SASS6: variants seen among roughly 807,000 people sequenced by gnomAD.
SASS6 encodes SAS-6 centriolar assembly protein.
SASS6 carries 59 observed loss-of-function variants against 94.9 expected under a neutral mutation model. The ratio of observed to expected loss-of-function variants is 0.62; its 90% confidence interval spans 0.50 to 0.77. The LOEUF (loss-of-function observed/expected upper bound fraction) is 0.77, where lower values mean the gene tolerates loss of function less well. SASS6 is among the 30% of genes least tolerant of loss of function. The probability of loss-of-function intolerance (pLI) is 0.00; values close to 1 mark genes in which losing one functional copy is unlikely to be tolerated. For synonymous variants in SASS6, 264 were observed against 270.0 expected (o/e 0.98, Z 0.22); for missense variants, 698 against 734.1 (o/e 0.95, Z 0.57).
intron 13 of SASS6, among the ~76,000 whole-genome samples, chr1:100,103,821 T>C (rs574662091): frequency 1.3e-5 from 2 of 152,260 alleles, no homozygotes; most frequent in African/African-American, 4.8e-5. Context: ...GTAGATTAGG[T>C]TAAAAATTCA....
At chr1:100,093,174 C>CTTTTTTT (rs909537970) in intron 14 of SASS6, among the ~76,000 whole-genome samples, 15 of 87,424 alleles carry the variant, frequency 1.7e-4, no homozygotes, top group East Asian at 3.9e-4. Context: ...CTATTGTTTT[C>CTTTTTTT]TTTTTTTTTT....
At chr1:100,088,896 G>GTAAC (rs1373767985) in intron 14 of SASS6, among the ~76,000 whole-genome samples, 7 of 148,514 alleles carry the variant, frequency 4.7e-5, no homozygotes, top group Admixed American at 3.4e-4. Flanking sequence ...AATCAACAAT[G>GTAAC]TAACACTCAC....
chr1:100,120,967 G>A (rs992536443), intron 5 of SASS6, among the ~76,000 whole-genome samples: 2 of 148,870 alleles, frequency 1.3e-5, no homozygotes, highest in Admixed American at 6.7e-5. Flanking sequence ...GGAGAATGGC[G>A]TGAACCCGGG....
chr1:100,085,501 C>T (rs1172237990), intron 16 of SASS6, 35 bp downstream of exon 16: 2 of 1,577,512 alleles, frequency 1.3e-6, no homozygotes, highest in South Asian at 2.2e-5. Context: ...TTTAATTCAA[C>T]TATAAAGTAC....
chr1:100,106,027 C>T, intron 12 of SASS6, 124 bp from the exon 13 acceptor site: 1 of 625,880 alleles, frequency 1.6e-6, no homozygotes. Flanking sequence ...CCTGACATCA[C>T]AGGAGAGCAA....
rs749866627 is a variant in SASS6 at position 100,110,322 on chromosome 1, T to C, written c.831A>G (p.Glu277=). Residue 277 remains glutamate, a synonymous_variant, in exon 8 of 17, where the codon GAA becomes GAG. Coordinates refer to ENST00000287482, the MANE Select transcript of SASS6 (RefSeq NM_194292.3). ...CAACACCAGAAAGTTTTGCTTTAAG[T>C]TCTCTAATAGTGGAGTCTCCTTTAT... ...RKYKGDSTIR[E]LKAKLSGVEE... is the part of the protein sequence containing the mutation. 1 of 1,579,258 alleles carries C rather than the reference T, an allele frequency of 6.3e-7. No individual in the cohort carries two copies. Among genetic ancestry groups the C allele is most frequent in the Non-Finnish European group, 8.6e-7 (1 of 1,168,090 alleles).
rs139643601 is a variant in SASS6 at position 100,132,815 on chromosome 1, G to C, written c.-1C>G. On this transcript the variant is annotated 5_prime_UTR_variant, in exon 1 of 17. Transcript: ENST00000287482. ...GTTGGTGGAACAGCACTTGGCTCAT[G>C]TTGGCTCGCTGCCTCGGCTGGTGTG... The C allele has an allele frequency of 1.1e-4, 181 of 1,613,820 alleles. No homozygotes were observed. In the African/African-American group the frequency reaches 1.9e-3, roughly 17 times the overall value.
intron 14 of SASS6, among the ~76,000 whole-genome samples, chr1:100,098,141 TGAA>T (rs1452853576): frequency 1.3e-5 from 2 of 151,908 alleles, no homozygotes; most frequent in Admixed American, 6.6e-5. Flanking sequence ...GGAAGTATAA[TGAA>T]GAATAAAAAC....
chr1:100,119,557 T>C (rs1654020219), intron 6 of SASS6, among the ~76,000 whole-genome samples: 1 of 152,260 alleles, frequency 6.6e-6, no homozygotes, highest in Admixed American at 6.5e-5. Flanking sequence ...TTAGGATGTC[T>C]GTCCCCTCCA....
Position 100,105,879 on chromosome 1 carries a change from A to C in SASS6, c.1433T>G (p.Leu478Arg), listed in dbSNP as rs1260209300. Reference protein sequence around the residue: ...EKLITWLNKELNENQLVRKQD... With the variant: ...EKLITWLNKERNENQLVRKQD... ...CTTTCTCACTAGCTGATTTTCATTTAGTTCTTTATTTAACCACGTGATTAC... is the reference window on the plus strand; with the variant it reads ...CTTTCTCACTAGCTGATTTTCATTTCGTTCTTTATTTAACCACGTGATTAC... The change falls in exon 13 of 17, where the codon CTA becomes CGA. Residue 478 changes from leucine to arginine, a missense_variant. Leu to Arg is a moderately radical substitution (Grantham distance 102). Transcript: ENST00000287482. The C allele has an allele frequency of 3.1e-6, 5 of 1,606,964 alleles. No homozygotes were observed. The Admixed American group carries it at 8.4e-5, about 27-fold the overall frequency.
chr1:100,118,383 A>G (rs548470931), intron 7 of SASS6, among the ~76,000 whole-genome samples: 56 of 152,242 alleles, frequency 3.7e-4, no homozygotes, highest in African/African-American at 1.3e-3. Flanking sequence ...AAGTATCCTT[A>G]TACACTACCT....
chr1:100,095,663 G>C (rs1299560930), intron 14 of SASS6, among the ~76,000 whole-genome samples: 1 of 152,126 alleles, frequency 6.6e-6, no homozygotes, highest in African/African-American at 2.4e-5. Flanking sequence ...TGTCTATGTG[G>C]AAAATCCAAC....
intron 2 of SASS6, among the ~76,000 whole-genome samples, 175 bp from the exon 3 acceptor site, chr1:100,123,464 T>C (rs527791357): frequency 2.0e-5 from 3 of 152,304 alleles, no homozygotes; most frequent in African/African-American, 7.2e-5. Flanking sequence ...GAATCTTAAA[T>C]AGGGGTAGAC....
intron 16 of SASS6, 27 bp downstream of exon 16, chr1:100,085,509 T>C (rs1433998571): frequency 6.3e-7 from 1 of 1,588,100 alleles, no homozygotes; most frequent in Non-Finnish European, 8.6e-7. Context: ...AACTATAAAG[T>C]ACAAAAATCC....
At chr1:100,092,797 G>A (rs1349473654) in intron 14 of SASS6, among the ~76,000 whole-genome samples, 1 of 151,866 alleles carries the variant, frequency 6.6e-6, no homozygotes, top group Non-Finnish European at 1.5e-5. Flanking sequence ...GGATGGTCTC[G>A]ATCTCCTGAC....
At chr1:100,114,409 C>T (rs1279079943) in intron 7 of SASS6, among the ~76,000 whole-genome samples, 1 of 151,812 alleles carries the variant, frequency 6.6e-6, no homozygotes, top group East Asian at 1.9e-4. Flanking sequence ...CTGGGCCAGG[C>T]ATGGTGGTTC....
At chr1:100,108,490 C>G (rs891052272) in intron 8 of SASS6, among the ~76,000 whole-genome samples, 1 of 151,980 alleles carries the variant, frequency 6.6e-6, no homozygotes, top group African/African-American at 2.4e-5. Context: ...TCTCTGTTCA[C>G]TCTTTCAAGC....
At position 100,126,245 on chromosome 1, in the gene SASS6, G is replaced by A. The variant is rs373702228; in HGVS notation, c.66-303C>T. 8.5e-5 allele frequency among the ~76,000 whole-genome samples: 13 copies of A among 152,196 alleles called. No homozygotes were observed. The East Asian group carries it at 1.9e-3, about 23-fold the overall frequency. Reference sequence around the variant, plus strand: ...GCACTAGCCTGATATATGACTTTGCGGCCCTGATTGTAAAGTAACATCTAT... The same window carrying A: ...GCACTAGCCTGATATATGACTTTGCAGCCCTGATTGTAAAGTAACATCTAT... On this transcript the variant is annotated intron_variant, in intron 1 of 16. Coordinates refer to ENST00000287482, the MANE Select transcript of SASS6 (RefSeq NM_194292.3).
intron 1 of SASS6, among the ~76,000 whole-genome samples, chr1:100,129,569 C>G (rs1326040770): frequency 1.3e-5 from 2 of 152,210 alleles, no homozygotes; most frequent in Non-Finnish European, 2.9e-5. Context: ...ACCTACACCA[C>G]ACTATCTAAT....
Sources: gnomAD v4.1 joint callset for allele counts (sites outside exome capture counted in the v4.1 genomes callset) on GRCh38, gnomAD v4.1.1 for gene constraint, MANE v1.5 for transcripts, NCBI Gene and HGNC (gene_info 2026-07-23, HGNC 2026-07-21) for gene names.